SYNE2: variants seen among roughly 807,000 people sequenced by gnomAD.
SYNE2 encodes the protein spectrin repeat containing nuclear envelope protein 2.
SYNE2 carries 431 observed loss-of-function variants against 856.3 expected under a neutral mutation model. The ratio of observed to expected loss-of-function variants is 0.50; its 90% CI spans 0.47 to 0.55. SYNE2 has a LOEUF of 0.55. SYNE2 is among the 20% of genes least tolerant of loss of function. The pLI is 0.00. For missense variants in SYNE2, 8,129 were observed against 8,023.2 expected (o/e 1.01, Z -0.50); for synonymous variants, 2,923 against 2,872.3 (o/e 1.02, Z -0.56).
In SYNE2 at chr14:64,216,386, A is replaced by G. The variant is rs371414349; in HGVS notation, c.19541A>G (p.Tyr6514Cys). 6.8e-6 allele frequency: 11 copies of G among 1,613,950 alleles called. No homozygotes were observed. Among genetic ancestry groups the G allele is most frequent in the African/African-American group, 2.7e-5 (2 of 74,918 alleles). Residue 6514 changes from tyrosine to cysteine, a missense_variant and splice_region_variant, in exon 108 of 116, where the codon TAT becomes TGT. Transcript: ENST00000555002. ...TCCAGCACCCCTTATAAACCACCCT[A>G]TGTAAGTCTTAACTTCACTGGGAGT... ...PASSTPYKPPYGKLLLPPGTD... is the reference protein window; with the variant it reads ...PASSTPYKPPCGKLLLPPGTD...
intron 54 of SYNE2, among the ~76,000 whole-genome samples, chr14:64,077,915 A>G (rs2097481360): frequency 6.6e-6 from 1 of 152,224 alleles, no homozygotes; most frequent in South Asian, 2.1e-4. Flanking sequence ...ATGGTTACAC[A>G]GAGAATAATT....
upstream of SYNE2, among the ~76,000 whole-genome samples, chr14:63,850,401 G>A (rs1299625976): frequency 1.3e-5 from 2 of 151,864 alleles, no homozygotes; most frequent in Non-Finnish European, 2.9e-5. Context: ...AACATACTAT[G>A]TTATCACACT....
chr14:64,021,283 GTTATACA>G, intron 35 of SYNE2, 25 bp from the exon 36 acceptor site: 1 of 1,537,862 alleles, frequency 6.5e-7, no homozygotes. Context: ...AATAATGACT[GTTATACA>G]ACTTCATATA....
intron 61 of SYNE2, chr14:64,094,942 A>AT (rs904304187): frequency 1.8e-5 from 3 of 168,100 alleles, no homozygotes; most frequent in African/African-American, 4.8e-5. Context: ...TAGAAGTAAC[A>AT]TTTTTTTAAA....
intron 19 of SYNE2, among the ~76,000 whole-genome samples, chr14:63,989,203 A>C (rs754206055): frequency 1.3e-5 from 2 of 152,140 alleles, no homozygotes; most frequent in African/African-American, 4.8e-5. Context: ...TTCTGTGTCA[A>C]ATATTTTTGC....
chr14:64,127,353 T>C (rs1213767248), intron 73 of SYNE2, among the ~76,000 whole-genome samples: 1 of 152,006 alleles, frequency 6.6e-6, no homozygotes, highest in Non-Finnish European at 1.5e-5. Context: ...GGTAGGTGGA[T>C]TGCTTGAGCC....
intron 109 of SYNE2, 54 bp downstream of exon 109, chr14:64,218,566 CT>C: frequency 1.9e-6 from 3 of 1,543,874 alleles, no homozygotes; most frequent in Non-Finnish European, 1.8e-6. Flanking sequence ...TATTTAAGTC[CT>C]TGCTCAAGAG....
At chr14:63,900,652 C>A (rs747299072) in intron 1 of SYNE2, among the ~76,000 whole-genome samples, 1 of 152,100 alleles carries the variant, frequency 6.6e-6, no homozygotes, top group Admixed American at 6.6e-5. Context: ...GTTGTTCTGG[C>A]ATTTGTGTGG....
chr14:63,870,018 C>A (rs1177252276), intron 1 of SYNE2, among the ~76,000 whole-genome samples: 2 of 152,162 alleles, frequency 1.3e-5, no homozygotes, highest in African/African-American at 2.4e-5. Context: ...GGACTCCTGC[C>A]TCTCTAATAC....
intron 1 of SYNE2, among the ~76,000 whole-genome samples, chr14:63,801,631 G>A (rs1002379266): frequency 3.3e-5 from 5 of 151,934 alleles, no homozygotes; most frequent in South Asian, 2.1e-4. Flanking sequence ...GTGAGATTGC[G>A]CCATTGCACT....
At chr14:64,058,359 T>C (rs989587844) in intron 49 of SYNE2, among the ~76,000 whole-genome samples, 10 of 152,352 alleles carry the variant, frequency 6.6e-5, no homozygotes, top group African/African-American at 2.4e-4. Context: ...AATCCAGTTT[T>C]CCCGGAACCG....
At chr14:63,936,051 T>A (rs1388543470) in intron 2 of SYNE2, among the ~76,000 whole-genome samples, 3 of 152,222 alleles carry the variant, frequency 2.0e-5, no homozygotes, top group Admixed American at 6.5e-5. Flanking sequence ...ATTTTTGTAT[T>A]TTTAATAGAG....
Position 63,795,466 on chromosome 14 carries a change from G to A in SYNE2, c.-305+33480G>A, listed in dbSNP as rs372546876. Among the ~76,000 whole-genome samples the A allele has an allele frequency of 2.1e-4, 32 of 152,086 alleles. No homozygotes were observed. In the East Asian group the frequency reaches 4.6e-3, roughly 22 times the overall value. ...TGGCCTATTGTGGGACCTTGTGGTC[G>A]TGTGAGTTAATACTTAATAGTTAAT... On this transcript the variant is annotated intron_variant, in intron 1 of 23. Transcript: ENST00000674003.
chr14:63,905,850 G>A (rs1006066681), intron 1 of SYNE2, among the ~76,000 whole-genome samples: 3 of 152,148 alleles, frequency 2.0e-5, no homozygotes, highest in Non-Finnish European at 4.4e-5. Flanking sequence ...TAGGAGTGGT[G>A]AGAGTGGACA....
At chr14:63,796,636 A>C (rs1269606897) in intron 1 of SYNE2, among the ~76,000 whole-genome samples, 1 of 152,170 alleles carries the variant, frequency 6.6e-6, no homozygotes, top group Non-Finnish European at 1.5e-5. Context: ...CTAGACACAA[A>C]TAAGGAAGAG....
intron 99 of SYNE2, chr14:64,196,661 A>G (rs2098542007): frequency 1.3e-5 from 2 of 152,242 alleles, no homozygotes; most frequent in Admixed American, 6.5e-5. Context: ...TGAGGAGGAC[A>G]GAAATCCTCT....
intron 84 of SYNE2, among the ~76,000 whole-genome samples, chr14:64,151,023 A>G (rs1416186539): frequency 1.3e-5 from 2 of 152,182 alleles, no homozygotes; most frequent in Non-Finnish European, 2.9e-5. Context: ...TTCATACGCT[A>G]TATATTCATG....
intron 30 of SYNE2, among the ~76,000 whole-genome samples, chr14:64,004,622 G>T (rs191239039): frequency 1.3e-5 from 2 of 152,096 alleles, no homozygotes; most frequent in Admixed American, 6.5e-5. Flanking sequence ...GAGCCACCGC[G>T]CCTGGCCTCT....
chr14:63,799,753 G>A (rs146360482), intron 1 of SYNE2, among the ~76,000 whole-genome samples: 7 of 152,186 alleles, frequency 4.6e-5, no homozygotes, highest in East Asian at 1.9e-4. Flanking sequence ...AAAATGTTTC[G>A]TTTATTTGGT....
Sources: allele counts gnomAD v4.1 joint callset (sites outside exome capture counted in the v4.1 genomes callset), GRCh38; gene constraint gnomAD v4.1.1; transcripts MANE v1.5; gene names NCBI Gene and HGNC (gene_info 2026-07-23, HGNC 2026-07-21).